EDA2R: variants seen among roughly 807,000 people sequenced by gnomAD.
EDA2R encodes the protein tumor necrosis factor receptor superfamily member 27.
In EDA2R, 26 loss-of-function variants were observed where a neutral mutation model predicts 20.1. The ratio of observed to expected loss-of-function variants is 1.30; its 90% CI spans 0.95 to 1.80. The LOEUF (loss-of-function observed/expected upper bound fraction) is 1.80, where lower values mean the gene tolerates loss of function less well. EDA2R is among the 40% of genes most tolerant of loss of function. The pLI is 0.00. For synonymous variants in EDA2R, 114 were observed against 88.7 expected, an observed-to-expected ratio of 1.29 and a Z score of -1.60; for missense variants, 277 against 228.7, an observed-to-expected ratio of 1.21 and a Z score of -1.36.
At chrX:66,630,991 A>C (rs1326865748) in intron 1 of EDA2R, among the ~76,000 whole-genome samples, 1 of 110,363 alleles carries the variant, frequency 9.1e-6, no homozygotes, top group African/African-American at 3.3e-5. Context: ...GTGTATGTAC[A>C]TAAAAACACA....
At chrX:66,631,641 C>T (rs951934081) in intron 1 of EDA2R, among the ~76,000 whole-genome samples, 3 of 110,991 alleles carry the variant, frequency 2.7e-5, no homozygotes, top group African/African-American at 9.9e-5. Flanking sequence ...GGTTACTGCC[C>T]AAGCTTTAGG....
intron 3 of EDA2R, 119 bp downstream of exon 3, chrX:66,604,929 A>G: frequency 2.9e-6 from 2 of 685,577 alleles, no homozygotes; most frequent in Non-Finnish European, 4.2e-6. Flanking sequence ...CTGGGAGCTT[A>G]AACTGAATAT....
intron 2 of EDA2R, among the ~76,000 whole-genome samples, chrX:66,606,175 C>T (rs1003369601): frequency 1.8e-5 from 2 of 112,037 alleles, no homozygotes; most frequent in Non-Finnish European, 3.8e-5. Flanking sequence ...CTCAAAGAAA[C>T]AATTCTAGTT....
chrX:66,609,173 T>C (rs1256341649), intron 2 of EDA2R, among the ~76,000 whole-genome samples: 1 of 111,998 alleles, frequency 8.9e-6, no homozygotes, highest in Non-Finnish European at 1.9e-5. Context: ...CTGAGAAGAA[T>C]CTTCCTACTC....
chrX:66,598,076 G>T lies in EDA2R; in HGVS notation c.*28C>A, dbSNP rs753176583. 1 of 962,423 alleles carries T rather than the reference G, an allele frequency of 1.0e-6. No individual in the cohort carries two copies. The highest frequency in any genetic ancestry group is 3.1e-5 in the Admixed American group (1 of 32,756). 79.3% of individuals were successfully genotyped at this position (962,423 alleles called of 1,213,427 possible). On this transcript the variant is annotated 3_prime_UTR_variant, in exon 7 of 7. Transcript: ENST00000374719. ...CCAGAGAGAACAACTGGGCAAGGCTGCCAGGGGCCCAAGAGACCTAAGGAG... is the reference window on the plus strand; with the variant it reads ...CCAGAGAGAACAACTGGGCAAGGCTTCCAGGGGCCCAAGAGACCTAAGGAG...
chrX:66,609,807 T>G (rs2022720813), intron 2 of EDA2R, among the ~76,000 whole-genome samples: 1 of 112,096 alleles, frequency 8.9e-6, no homozygotes, highest in South Asian at 3.7e-4. Context: ...AATAGCTGGC[T>G]TTTTAAATAG....
At position 66,599,501 on chromosome X, in the gene EDA2R, CA is replaced by C; in HGVS notation, c.876del (p.Phe292LeufsTer39). 2 of 1,166,366 alleles carry C rather than the reference CA, an allele frequency of 1.7e-6. No individual in the cohort carries two copies. The highest frequency in any genetic ancestry group is 2.3e-6 in the Non-Finnish European group (2 of 868,663). On this transcript the variant is annotated frameshift_variant, in exon 6 of 7. Coordinates refer to ENST00000374719, the MANE Select transcript of EDA2R (RefSeq NM_021783.5). LOFTEE classifies it high-confidence loss of function. ...CATTAGAGTTAAGGGCTGGGAACTT[CA>C]AAGGGCACATTGAGCTCCAGCCTGT... The part of the protein sequence containing the change: ...TGDRLELNVP[F>X]EVPSP
intron 2 of EDA2R, among the ~76,000 whole-genome samples, chrX:66,610,725 T>C (rs943779175): frequency 8.9e-6 from 1 of 111,906 alleles, no homozygotes; most frequent in Admixed American, 9.5e-5. Flanking sequence ...TACTTGTTTA[T>C]TCATCATAAA....
In EDA2R at chrX:66,625,023, G is replaced by A. The variant is rs1202867913; in HGVS notation, c.-10-8993C>T. Among the ~76,000 whole-genome samples, 3 of 111,737 alleles carry A rather than the reference G, an allele frequency of 2.7e-5. No individual in the cohort carries two copies. The Admixed American group carries it at 2.8e-4, about 11-fold the overall frequency. On this transcript the variant is annotated intron_variant, in intron 1 of 6. Transcript: ENST00000374719. Reference sequence around the variant, plus strand: ...TAGAGGAAGCAGCGGGAAAAGCCCCGGGAGTTTGCTGGGTCCCCAAGCAGG... The same window carrying A: ...TAGAGGAAGCAGCGGGAAAAGCCCCAGGAGTTTGCTGGGTCCCCAAGCAGG...
At chrX:66,624,184 C>A (rs1932857063) in intron 1 of EDA2R, among the ~76,000 whole-genome samples, 2 of 112,003 alleles carry the variant, frequency 1.8e-5, no homozygotes, top group Non-Finnish European at 3.8e-5. Context: ...CAACAGATCA[C>A]CATCACATCC....
intron 1 of EDA2R, among the ~76,000 whole-genome samples, chrX:66,622,941 C>T (rs750401386): frequency 1.5e-4 from 17 of 112,263 alleles, no homozygotes; most frequent in Admixed American, 3.8e-4. Flanking sequence ...CCCAGCTCTG[C>T]CATCAGGAGA....
At position 66,600,836 on chromosome X, in the gene EDA2R, T is replaced by TA. The variant is rs930777061; in HGVS notation, c.518-977dup. ...TTGACTATGGTTAACACAACTTCAT[T>TA]AAAAAAAATCCAGATTTCTGAATTC... On this transcript the variant is annotated intron_variant, in intron 5 of 6. Transcript: ENST00000374719. Among the ~76,000 whole-genome samples the TA allele has an allele frequency of 8.9e-5, 10 of 111,779 alleles. No individual in the cohort carries two copies. The East Asian group carries it at 1.7e-3, about 19-fold the overall frequency.
intron 1 of EDA2R, among the ~76,000 whole-genome samples, chrX:66,632,844 G>A (rs1242077138): frequency 1.8e-5 from 2 of 112,019 alleles, no homozygotes; most frequent in Non-Finnish European, 3.8e-5. Flanking sequence ...GGGTACTACA[G>A]TTTTTAATGG....
intron 1 of EDA2R, among the ~76,000 whole-genome samples, chrX:66,632,597 A>G (rs1399958467): frequency 3.8e-5 from 4 of 105,710 alleles, no homozygotes; most frequent in Admixed American, 9.9e-5. Context: ...GAAGAAGGGG[A>G]AGCCAGAGAA....
At chrX:66,609,793 G>A (rs1485381553) in intron 2 of EDA2R, among the ~76,000 whole-genome samples, 2 of 111,892 alleles carry the variant, frequency 1.8e-5, no homozygotes, top group Non-Finnish European at 3.8e-5. Context: ...CCAAAGCAAT[G>A]GAGAATAGCT....
chrX:66,628,781 A>C (rs1281228674), intron 1 of EDA2R, among the ~76,000 whole-genome samples: 1 of 110,812 alleles, frequency 9.0e-6, no homozygotes, highest in Non-Finnish European at 1.9e-5. Context: ...AATTGGTACC[A>C]ATCCTTTTGG....
chrX:66,636,628 T>C (rs1182609184), intron 1 of EDA2R, among the ~76,000 whole-genome samples: 1 of 109,657 alleles, frequency 9.1e-6, no homozygotes, highest in Non-Finnish European at 1.9e-5. Context: ...AACCTCCCTC[T>C]AGAAGTGTTC....
At chrX:66,627,611 C>T (rs1216714523) in intron 1 of EDA2R, among the ~76,000 whole-genome samples, 1 of 111,687 alleles carries the variant, frequency 9.0e-6, no homozygotes, top group Non-Finnish European at 1.9e-5. Context: ...CAAATAATAC[C>T]AGAGCTCCCA....
chrX:66,639,151 C>T (rs1329203492), upstream of EDA2R: 1 of 91,307 alleles, frequency 1.1e-5, no homozygotes, highest in Non-Finnish European at 2.2e-5. Context: ...GCCCATCAGC[C>T]CCGCCCCTCA....
Sources: gnomAD v4.1 joint callset for allele counts (sites outside exome capture counted in the v4.1 genomes callset) on GRCh38, gnomAD v4.1.1 for gene constraint, MANE v1.5 for transcripts, NCBI Gene and HGNC (gene_info 2026-07-23, HGNC 2026-07-21) for gene names.